Variants in ESRRG observed in about 807,000 individuals in gnomAD.
The protein encoded by ESRRG is estrogen related receptor gamma, also known as estrogen-related receptor gamma.
A neutral mutation model predicts 44.0 loss-of-function variants in ESRRG; 13 were observed. The ratio of observed to expected loss-of-function variants is 0.30; its 90% confidence interval spans 0.19 to 0.47. The LOEUF is 0.47. Among genes scored for constraint, ESRRG ranks in the 20% least tolerant of loss-of-function variants. ESRRG has a pLI of 1.00. For missense variants in ESRRG, 395 were observed against 580.6 expected (o/e 0.68, Z 3.29); for synonymous variants, 215 against 214.6 (o/e 1.00, Z -0.02).
intron 1 of ESRRG, among the ~76,000 whole-genome samples, chr1:217,114,622 G>A (rs1044361894): frequency 4.0e-5 from 6 of 150,726 alleles, no homozygotes; most frequent in African/African-American, 1.2e-4. Flanking sequence ...TTACTGTCCT[G>A]AATGGGGTAC....
At chr1:217,135,750 G>A (rs1448399056) in intron 1 of ESRRG, among the ~76,000 whole-genome samples, 1 of 152,190 alleles carries the variant, frequency 6.6e-6, no homozygotes, top group Non-Finnish European at 1.5e-5. Context: ...AACAAATCAC[G>A]GGACACGACG....
intron 1 of ESRRG, among the ~76,000 whole-genome samples, chr1:217,104,844 ACT>A (rs1186950918): frequency 6.6e-6 from 1 of 152,128 alleles, no homozygotes; most frequent in East Asian, 1.9e-4. Context: ...AATTTGATAA[ACT>A]CTATGGTTTC....
intron 1 of ESRRG, among the ~76,000 whole-genome samples, chr1:216,721,632 T>C (rs1031121577): frequency 2.6e-5 from 4 of 152,192 alleles, no homozygotes; most frequent in African/African-American, 9.7e-5. Flanking sequence ...AGAAGTTAAA[T>C]TCAAGGAAAC....
chr1:216,810,465 G>A (rs956711113), intron 2 of ESRRG, among the ~76,000 whole-genome samples: 1 of 151,492 alleles, frequency 6.6e-6, no homozygotes, highest in African/African-American at 2.4e-5. Flanking sequence ...AAGGGGAGGA[G>A]ACACAATGTT....
chr1:216,933,963 G>A (rs576564852), intron 2 of ESRRG, among the ~76,000 whole-genome samples: 1 of 152,166 alleles, frequency 6.6e-6, no homozygotes, highest in East Asian at 1.9e-4. Flanking sequence ...CACCCCACTG[G>A]CCCGTTCCTT....
intron 2 of ESRRG, among the ~76,000 whole-genome samples, chr1:216,824,361 A>G (rs1576960787): frequency 6.6e-6 from 1 of 152,228 alleles, no homozygotes; most frequent in East Asian, 1.9e-4. Context: ...CAGGAAAATC[A>G]CTTGAACAGG....
chr1:216,893,411 T>A (rs925864205), intron 2 of ESRRG, among the ~76,000 whole-genome samples: 2 of 152,144 alleles, frequency 1.3e-5, no homozygotes, highest in Admixed American at 6.5e-5. Context: ...CAGGGCCCCA[T>A]GAGGCACACA....
chr1:216,657,062 T>C (rs1256130566), intron 2 of ESRRG, among the ~76,000 whole-genome samples: 1 of 152,234 alleles, frequency 6.6e-6, no homozygotes, highest in African/African-American at 2.4e-5. Context: ...GTCTTTATTG[T>C]ATAGTGGCAA....
At chr1:217,083,238 A>T (rs1005316729) in intron 1 of ESRRG, among the ~76,000 whole-genome samples, 3 of 152,226 alleles carry the variant, frequency 2.0e-5, no homozygotes, top group Non-Finnish European at 1.5e-5. Context: ...AATATCTACT[A>T]ATTGGTTTAC....
intron 1 of ESRRG, among the ~76,000 whole-genome samples, chr1:217,117,462 G>GGAC (rs2092745757): frequency 6.6e-6 from 1 of 152,030 alleles, no homozygotes; most frequent in Non-Finnish European, 1.5e-5. Flanking sequence ...GTGCATGCCT[G>GGAC]TAGTCCCAGG....
chr1:217,135,320 G>C (rs948288103), intron 1 of ESRRG, among the ~76,000 whole-genome samples: 1 of 152,082 alleles, frequency 6.6e-6, no homozygotes, highest in Non-Finnish European at 1.5e-5. Flanking sequence ...CCCACGTAAA[G>C]GCCAGTCTTG....
At chr1:216,951,000 G>C (rs150769055) in intron 1 of ESRRG, among the ~76,000 whole-genome samples, 1 of 152,248 alleles carries the variant, frequency 6.6e-6, no homozygotes, top group Admixed American at 6.5e-5. Flanking sequence ...GAAAATCTAT[G>C]ATGGTCTCAG....
intron 3 of ESRRG, among the ~76,000 whole-genome samples, chr1:216,611,481 C>T (rs985275374): frequency 3.9e-5 from 6 of 152,120 alleles, no homozygotes; most frequent in African/African-American, 1.4e-4. Flanking sequence ...CACACTCATG[C>T]ACTCATGTGT....
chr1:216,691,477 G>C (rs1575377013), intron 1 of ESRRG, among the ~76,000 whole-genome samples: 1 of 152,138 alleles, frequency 6.6e-6, no homozygotes, highest in Admixed American at 6.5e-5. Flanking sequence ...GTAACACCTA[G>C]ATGACTTTCC....
intron 2 of ESRRG, among the ~76,000 whole-genome samples, chr1:216,659,312 A>G (rs1469984751): frequency 2.0e-5 from 3 of 152,198 alleles, no homozygotes; most frequent in African/African-American, 7.2e-5. Flanking sequence ...TTGTCCTTGC[A>G]ACACTTCTAG....
intron 1 of ESRRG, among the ~76,000 whole-genome samples, chr1:216,962,558 CTT>C (rs71556667): frequency 6.6e-6 from 1 of 151,674 alleles, no homozygotes; most frequent in Non-Finnish European, 1.5e-5. Context: ...AAGTAGGAAT[CTT>C]TTTTTTCTTT....
At chr1:216,524,952 C>A (rs1408554414) in intron 5 of ESRRG, among the ~76,000 whole-genome samples, 3 of 152,144 alleles carry the variant, frequency 2.0e-5, no homozygotes, top group Non-Finnish European at 2.9e-5. Context: ...TTTACAGGTG[C>A]AATTGACCAC....
At chr1:216,648,932 T>C (rs2068259223) in intron 3 of ESRRG, among the ~76,000 whole-genome samples, 1 of 152,126 alleles carries the variant, frequency 6.6e-6, no homozygotes, top group Non-Finnish European at 1.5e-5. Flanking sequence ...AACATAAATA[T>C]AATTAAGGCC....
chr1:216,667,734 GA>G (rs1211109986), intron 2 of ESRRG, among the ~76,000 whole-genome samples: 1 of 134,584 alleles, frequency 7.4e-6, no homozygotes, highest in East Asian at 2.3e-4. Flanking sequence ...GAAAAATTAT[GA>G]AAAAGCTTAT....
Sources: gnomAD v4.1 joint callset for allele counts (sites outside exome capture counted in the v4.1 genomes callset) on GRCh38, gnomAD v4.1.1 for gene constraint, MANE v1.5 for transcripts, NCBI Gene and HGNC (gene_info 2026-07-23, HGNC 2026-07-21) for gene names.